BTD: variants seen among roughly 807,000 people sequenced by gnomAD.
The protein encoded by BTD is biocytinase.
BTD carries 13 observed loss-of-function variants against 17.7 expected under a neutral mutation model. The observed-to-expected ratio is 0.74, with a 90% CI of 0.48 to 1.17. The LOEUF (loss-of-function observed/expected upper bound fraction) is 1.17. BTD is among the 50% of genes most tolerant of loss of function. The pLI is 0.00. For missense variants in BTD, 674 were observed against 650.4 expected (o/e 1.04, Z -0.39); for synonymous variants, 240 against 245.2 (o/e 0.98, Z 0.20).
intron 3 of BTD, among the ~76,000 whole-genome samples, chr3:15,665,723 G>A (rs2065974917): frequency 6.6e-6 from 1 of 152,228 alleles, no homozygotes; most frequent in Admixed American, 6.5e-5. Context: ...ATTTGTTATG[G>A]CCAGTGGAGT....
In BTD at chr3:15,682,889, A is replaced by AC. The variant is rs1417421191; in HGVS notation, c.400-27169dup. Among the ~76,000 whole-genome samples the AC allele has an allele frequency of 1.1e-4, 16 of 152,322 alleles. No individual in the cohort carries two copies. In the East Asian group the frequency reaches 2.7e-3, roughly 26 times the overall value. On this transcript the variant is annotated intron_variant, in intron 3 of 3. Transcript: ENST00000672141. Reference sequence around the variant, plus strand: ...TTCCTTCCAGCTCAAATTCAGCATCACCACAATTTTGCTACAGGCTGAAAA... The same window carrying AC: ...TTCCTTCCAGCTCAAATTCAGCATCACCCACAATTTTGCTACAGGCTGAAAA...
At chr3:15,656,784 T>C (rs114484487), downstream of BTD, among the ~76,000 whole-genome samples, 3 of 152,362 alleles carry the variant, frequency 2.0e-5, no homozygotes, top group Non-Finnish European at 2.9e-5. Flanking sequence ...GTTGTGATTA[T>C]CTATTGCTAA....
intron 3 of BTD, chr3:15,707,835 G>T (rs2071663800): frequency 6.8e-7 from 1 of 1,462,974 alleles, no homozygotes; most frequent in African/African-American, 1.4e-5. Flanking sequence ...ATACAAAGAG[G>T]AAACACAAAT....
chr3:15,667,941 T>C (rs887709312), intron 3 of BTD: 2 of 152,204 alleles, frequency 1.3e-5, no homozygotes, highest in African/African-American at 4.8e-5. Flanking sequence ...TGAGTCCTTC[T>C]GGAAATCACT....
chr3:15,616,385 G>A (rs2064793678), intron 1 of BTD, among the ~76,000 whole-genome samples: 1 of 152,122 alleles, frequency 6.6e-6, no homozygotes, highest in South Asian at 2.1e-4. Context: ...GGAGGCCGAG[G>A]TGGGTGGATC....
intron 3 of BTD, chr3:15,684,512 A>C (rs933738447): frequency 1.3e-5 from 2 of 152,184 alleles, no homozygotes; most frequent in African/African-American, 4.8e-5. Context: ...ACATACATAG[A>C]TTTCAGTTTA....
intron 3 of BTD, among the ~76,000 whole-genome samples, chr3:15,688,479 G>C (rs576625712): frequency 6.6e-6 from 1 of 152,162 alleles, no homozygotes; most frequent in Non-Finnish European, 1.5e-5. Flanking sequence ...AGCAAGTAAT[G>C]CATTTTAACC....
chr3:15,636,258 T>A (rs2065345033), intron 2 of BTD, among the ~76,000 whole-genome samples: 1 of 152,138 alleles, frequency 6.6e-6, no homozygotes, highest in Non-Finnish European at 1.5e-5. Context: ...TTTGCTCCCT[T>A]CAGACTGTTT....
chr3:15,665,804 T>TA (rs1559290916), intron 3 of BTD, among the ~76,000 whole-genome samples: 1 of 152,250 alleles, frequency 6.6e-6, no homozygotes, highest in Non-Finnish European at 1.5e-5. Flanking sequence ...CTTGTGCTTC[T>TA]ACCATCAGTG....
intron 3 of BTD, among the ~76,000 whole-genome samples, chr3:15,705,986 G>A (rs1010815539): frequency 3.3e-5 from 5 of 152,008 alleles, no homozygotes; most frequent in Non-Finnish European, 7.4e-5. Flanking sequence ...GGGCGACAAA[G>A]CAAGATTCCA....
intron 3 of BTD, chr3:15,679,282 T>C (rs2067277167): frequency 1.2e-6 from 2 of 1,611,400 alleles, no homozygotes; most frequent in Non-Finnish European, 1.7e-6. Flanking sequence ...AACTATTTAA[T>C]ACATAGTTGA....
At chr3:15,693,610 G>A (rs905446403) in intron 3 of BTD, among the ~76,000 whole-genome samples, 3 of 152,074 alleles carry the variant, frequency 2.0e-5, no homozygotes, top group African/African-American at 7.2e-5. Flanking sequence ...TGAGAATGCT[G>A]CTGCTGCTGC....
intron 1 of BTD, among the ~76,000 whole-genome samples, chr3:15,634,373 A>T (rs1432700423): frequency 6.6e-6 from 1 of 152,214 alleles, no homozygotes; most frequent in Admixed American, 6.5e-5. Flanking sequence ...CTCCATGGGC[A>T]GGTGGCCTGG....
chr3:15,650,639 C>T lies in BTD; in HGVS notation c.*5151C>T, dbSNP rs2065787148. Among the ~76,000 whole-genome samples the T allele has an allele frequency of 6.6e-6, 1 of 152,142 alleles. No individual in the cohort carries two copies. The highest frequency in any genetic ancestry group is 6.5e-5 in the Admixed American group (1 of 15,268). On this transcript the variant is annotated 3_prime_UTR_variant, in exon 4 of 4. Transcript: ENST00000643237. ...CCATGACTTCTAGGCTTCATCTGCC[C>T]CTCTCAGCAGCTCTAGAGAAGAAGC...
chr3:15,693,426 G>A (rs573751878), intron 3 of BTD, among the ~76,000 whole-genome samples: 83 of 252 alleles, frequency 0.33, no homozygotes, highest in African/African-American at 0.45. Context: ...TTGAAGGGTG[G>A]GGTAGAATAC....
rs1045768038 is a variant in BTD, at chr3:15,650,104, G to T, written c.*4616G>T. Among the ~76,000 whole-genome samples, 1 of 152,184 alleles carries T rather than the reference G, an allele frequency of 6.6e-6. No individual in the cohort carries two copies. Among genetic ancestry groups the T allele is most frequent in the South Asian group, 2.1e-4 (1 of 4,836 alleles). On this transcript the variant is annotated 3_prime_UTR_variant, in exon 4 of 4. Transcript: ENST00000643237. ...CCTATTCATCTTTTGTCTCTGCAGCGTTCAGCATGGCACTGTCTTGGCTTA... is the reference window on the plus strand; with the variant it reads ...CCTATTCATCTTTTGTCTCTGCAGCTTTCAGCATGGCACTGTCTTGGCTTA...
chr3:15,627,959 T>C (rs750231244), intron 1 of BTD, among the ~76,000 whole-genome samples: 5 of 152,146 alleles, frequency 3.3e-5, no homozygotes, highest in African/African-American at 7.2e-5. Flanking sequence ...TGACCTCAGG[T>C]GATCTACCCA....
chr3:15,685,464 A>C (rs1475472590), intron 3 of BTD: 2 of 1,610,784 alleles, frequency 1.2e-6, no homozygotes, highest in South Asian at 2.2e-5. Context: ...AAATAATTTA[A>C]AGGTAGTCAA....
At chr3:15,671,114 C>T (rs1286620530) in intron 3 of BTD, among the ~76,000 whole-genome samples, 1 of 152,148 alleles carries the variant, frequency 6.6e-6, no homozygotes, top group African/African-American at 2.4e-5. Context: ...CTCTTGGGGT[C>T]ACAGTCTCTT....
Sources: gnomAD v4.1 joint callset for allele counts (sites outside exome capture counted in the v4.1 genomes callset) on GRCh38, gnomAD v4.1.1 for gene constraint, MANE v1.5 for transcripts, NCBI Gene and HGNC (gene_info 2026-07-23, HGNC 2026-07-21) for gene names.